The following FANCB variants were observed in gnomAD, a reference collection of about 807,000 sequenced individuals.
FANCB encodes FA complementation group B.
FANCB carries 5 observed loss-of-function variants against 38.9 expected under a neutral mutation model. The ratio of observed to expected loss-of-function variants is 0.13; its 90% CI spans 0.07 to 0.27. The LOEUF is 0.27. FANCB is among the 10% of genes least tolerant of loss of function. FANCB has a pLI of 1.00. For missense variants in FANCB, 573 were observed against 602.7 expected (o/e 0.95, Z 0.52); for synonymous variants, 236 against 215.4 (o/e 1.10, Z -0.84).
At chrX:14,792,152 T>A in the FANCB span, among the ~76,000 whole-genome samples, 3 of 112,167 alleles carry the variant, frequency 2.7e-5, no homozygotes, top group African/African-American at 9.7e-5. Flanking sequence ...AGTTTTTGCC[T>A]GAAATTTAAG....
chrX:14,804,508 T>C, the FANCB span, among the ~76,000 whole-genome samples: 5 of 111,169 alleles, frequency 4.5e-5, no homozygotes, highest in African/African-American at 9.8e-5. Context: ...CGGGGAGGGA[T>C]AGCATTTGGA....
At chrX:14,867,725 A>T (rs2092476150) in intron 2 of FANCB, among the ~76,000 whole-genome samples, 1 of 109,571 alleles carries the variant, frequency 9.1e-6, no homozygotes, top group Non-Finnish European at 1.9e-5. Context: ...AAAAGAGACA[A>T]ATGAGATTAC....
the FANCB span, among the ~76,000 whole-genome samples, chrX:14,717,740 TA>T: frequency 0.025 from 1,987 of 78,159 alleles, 37 homozygotes; most frequent in South Asian, 0.17. Context: ...TTCTGTAAAG[TA>T]AAAAAAAAAA....
the FANCB span, among the ~76,000 whole-genome samples, chrX:14,811,055 C>A: frequency 1.1e-4 from 12 of 111,211 alleles, no homozygotes; most frequent in Non-Finnish European, 2.1e-4. Flanking sequence ...AATTTCATAT[C>A]CAGCCAAAGT....
chrX:14,766,027 TA>T, the FANCB span, among the ~76,000 whole-genome samples: 1 of 111,301 alleles, frequency 9.0e-6, no homozygotes. Context: ...TAGGGGCAGG[TA>T]TTACTGGAAG....
At chrX:14,702,539 T>G in the FANCB span, among the ~76,000 whole-genome samples, 9,108 of 111,916 alleles carry the variant, frequency 0.081, 524 homozygotes, top group African/African-American at 0.19. Context: ...AGTGTGAATA[T>G]AAAAGTGGCT....
chrX:14,773,845 C>T, the FANCB span, among the ~76,000 whole-genome samples: 2 of 110,836 alleles, frequency 1.8e-5, no homozygotes, highest in African/African-American at 6.6e-5. Context: ...AACCTCACAT[C>T]TCTACACCCA....
chrX:14,740,526 CA>C, the FANCB span, among the ~76,000 whole-genome samples: 1 of 111,842 alleles, frequency 8.9e-6, no homozygotes, highest in Non-Finnish European at 1.9e-5. Flanking sequence ...AGGAGGTTGG[CA>C]AAAGTTTTCT....
chrX:14,861,209 C>G (rs970584492), intron 3 of FANCB, among the ~76,000 whole-genome samples: 2 of 111,496 alleles, frequency 1.8e-5, no homozygotes, highest in African/African-American at 6.5e-5. Context: ...GAAATGCCTG[C>G]CACATAGATT....
chrX:14,719,061 C>T, the FANCB span, among the ~76,000 whole-genome samples: 8 of 111,896 alleles, frequency 7.1e-5, no homozygotes, highest in Middle Eastern at 9.3e-3. Context: ...CAATTCACAT[C>T]CCTCCCACGT....
chrX:14,809,035 A>G, the FANCB span, among the ~76,000 whole-genome samples: 1 of 112,518 alleles, frequency 8.9e-6, no homozygotes, highest in African/African-American at 3.2e-5. Context: ...TAAATTGAAG[A>G]GGACACCAAA....
the FANCB span, among the ~76,000 whole-genome samples, chrX:14,767,275 A>G: frequency 8.9e-6 from 1 of 111,915 alleles, no homozygotes; most frequent in Non-Finnish European, 1.9e-5. Flanking sequence ...ACTGTCTTCC[A>G]TAATGGTTGA....
chrX:14,800,430 TTA>T, the FANCB span, among the ~76,000 whole-genome samples: 1 of 111,119 alleles, frequency 9.0e-6, no homozygotes, highest in East Asian at 2.8e-4. Context: ...CCGCCACAAG[TTA>T]GGAAGACACA....
chrX:14,754,513 T>C, the FANCB span, among the ~76,000 whole-genome samples: 5 of 111,836 alleles, frequency 4.5e-5, no homozygotes, highest in Admixed American at 1.9e-4. Context: ...CAGAAATGTA[T>C]ATATGTTACC....
Position 14,864,605 on chromosome X carries a change from G to A in FANCB, c.906C>T (p.Ser302=). Residue 302 remains serine, a synonymous_variant, in exon 3 of 10, where the codon TCC becomes TCT. Coordinates refer to ENST00000650831, the MANE Select transcript of FANCB (RefSeq NM_001018113.3). ...SGGGNLFFVV[S]FISNNACAVW... ...CAGCACAAGCATTATTGGATATAAA[G>A]GATACAACGAAAAAGAGGTTTCCTC... 8.3e-7 allele frequency: 1 copy of A among 1,205,234 alleles called. No homozygotes were observed.
At chrX:14,791,110 AT>A in the FANCB span, among the ~76,000 whole-genome samples, 1 of 108,606 alleles carries the variant, frequency 9.2e-6, no homozygotes, top group African/African-American at 3.4e-5. Flanking sequence ...CAAGGCGTGA[AT>A]TTAAGGTATG....
the FANCB span, among the ~76,000 whole-genome samples, chrX:14,765,994 A>G: frequency 9.0e-6 from 1 of 111,525 alleles, no homozygotes; most frequent in Non-Finnish European, 1.9e-5. Context: ...GCAACTTACA[A>G]AAACATTTTT....
At chrX:14,749,604 G>C in the FANCB span, among the ~76,000 whole-genome samples, 1 of 111,642 alleles carries the variant, frequency 9.0e-6, no homozygotes, top group Non-Finnish European at 1.9e-5. Context: ...TAATTTATTT[G>C]AATTACTGAT....
chrX:14,844,645 A>G lies in FANCB; in HGVS notation c.2023T>C (p.Trp675Arg). Residue 675 changes from tryptophan (W) to arginine (R), a missense_variant, in exon 9 of 10, where the codon TGG becomes CGG. By Grantham distance (101) the Trp-to-Arg change is moderately radical. Transcript: ENST00000650831. ...TCACATTTCATATGTTCTAAGAGCC[A>G]CACCTTCATTGAATTCAGGGCATAG... is the stretch of plus-strand genomic sequence containing the variant. ...PGYALNSMKVWLLEHMKCEII... is the reference protein window; with the variant it reads ...PGYALNSMKVRLLEHMKCEII... 1 of 1,209,801 alleles carries G rather than the reference A, an allele frequency of 8.3e-7. No homozygotes were observed. Among genetic ancestry groups the G allele is most frequent in the African/African-American group, 1.7e-5 (1 of 57,831 alleles).
Sources: gnomAD v4.1 joint callset for allele counts (sites outside exome capture counted in the v4.1 genomes callset) on GRCh38, gnomAD v4.1.1 for gene constraint, MANE v1.5 for transcripts, NCBI Gene and HGNC (gene_info 2026-07-23, HGNC 2026-07-21) for gene names.